GPT2: variants seen among roughly 807,000 people sequenced by gnomAD.
GPT2 encodes alanine aminotransferase 2.
Under a neutral mutation model 56.9 loss-of-function variants are expected in GPT2, and 30 were observed. The observed-to-expected ratio is 0.53, with a 90% confidence interval of 0.39 to 0.72. GPT2 has a LOEUF of 0.72. Among genes scored for constraint, GPT2 ranks in the 30% least tolerant of loss-of-function variants. The probability of loss-of-function intolerance (pLI) is 0.00; values close to 1 mark genes in which losing one functional copy is unlikely to be tolerated. For missense variants in GPT2, 542 were observed against 703.4 expected, an observed-to-expected ratio of 0.77 and a Z score of 2.60; for synonymous variants, 271 against 283.1, an observed-to-expected ratio of 0.96 and a Z score of 0.43.
At chr16:46,893,223 C>T (rs1453756395) in intron 2 of GPT2, among the ~76,000 whole-genome samples, 5 of 152,186 alleles carry the variant, frequency 3.3e-5, no homozygotes, top group Non-Finnish European at 5.9e-5. Context: ...CTCCGCCTCC[C>T]GGGTTCACAC....
intron 2 of GPT2, among the ~76,000 whole-genome samples, chr16:46,887,005 A>G (rs1960496410): frequency 6.6e-6 from 1 of 152,120 alleles, no homozygotes; most frequent in South Asian, 2.1e-4. Flanking sequence ...AGATAGCCTC[A>G]TTGAAACCCT....
At chr16:46,898,407 G>A (rs143150545) in intron 3 of GPT2, among the ~76,000 whole-genome samples, 28 of 152,308 alleles carry the variant, frequency 1.8e-4, no homozygotes, top group African/African-American at 4.3e-4. Context: ...TGCCTGGGCC[G>A]GGATTGTGGG....
chr16:46,910,101 C>T (rs1460977980), intron 6 of GPT2, among the ~76,000 whole-genome samples, 174 bp downstream of exon 6: 1 of 152,136 alleles, frequency 6.6e-6, no homozygotes, highest in Non-Finnish European at 1.5e-5. Flanking sequence ...GGTGAGTAGG[C>T]CAGGTGCGGT....
chr16:46,918,225 G>T (rs1961211183), intron 7 of GPT2, among the ~76,000 whole-genome samples: 1 of 152,190 alleles, frequency 6.6e-6, no homozygotes, highest in African/African-American at 2.4e-5. Context: ...TCAAATAGGA[G>T]GTCAGAGGAA....
At chr16:46,899,315 G>GC (rs1442408535) in intron 3 of GPT2, among the ~76,000 whole-genome samples, 4 of 152,082 alleles carry the variant, frequency 2.6e-5, no homozygotes, top group African/African-American at 9.7e-5. Flanking sequence ...TGGGATTGAG[G>GC]CCCATTTTGG....
Position 46,884,909 on chromosome 16 carries a change from G to C in GPT2, c.194G>C (p.Arg65Pro). The C allele has an allele frequency of 6.5e-7, 1 of 1,540,890 alleles. No individual in the cohort carries two copies. The highest frequency in any genetic ancestry group is 8.7e-7 in the Non-Finnish European group (1 of 1,143,052). The change falls in exon 2 of 12, where the codon CGG (arginine) becomes CCG (proline). Residue 65 changes from arginine (R) to proline (P), a missense_variant. Transcript: ENST00000340124. Reference sequence around the variant, plus strand: ...GTGAAGGCGGTGGAGTACGCCGTGCGGGGACCCATCGTGCTCAAGGCCGGC... The same window carrying C: ...GTGAAGGCGGTGGAGTACGCCGTGCCGGGACCCATCGTGCTCAAGGCCGGC... Reference protein sequence around the residue: ...PQVKAVEYAVRGPIVLKAGEI... With the variant: ...PQVKAVEYAVPGPIVLKAGEI...
At chr16:46,924,279 G>C (rs773669005) in intron 9 of GPT2, 110 bp from the exon 10 acceptor site, 1 of 1,261,912 alleles carries the variant, frequency 7.9e-7, no homozygotes, top group Admixed American at 1.8e-5. Context: ...TTCAAAGCTG[G>C]AGCAAAGTCA....
At chr16:46,887,957 C>T (rs936658187) in intron 2 of GPT2, among the ~76,000 whole-genome samples, 2 of 152,182 alleles carry the variant, frequency 1.3e-5, no homozygotes, top group African/African-American at 4.8e-5. Flanking sequence ...AAGGGGAGAA[C>T]CTATCTTAGC....
intron 3 of GPT2, among the ~76,000 whole-genome samples, chr16:46,900,085 A>G (rs6598777): frequency 0.18 from 27,866 of 152,150 alleles, 3,510 homozygotes; most frequent in African/African-American, 0.35. Flanking sequence ...TTGGCTCCTC[A>G]GTGCCAGCCT....
chr16:46,893,799 C>T (rs564614076), intron 2 of GPT2, among the ~76,000 whole-genome samples: 36 of 152,164 alleles, frequency 2.4e-4, no homozygotes, highest in African/African-American at 8.2e-4. Flanking sequence ...CAGGTGGATT[C>T]GAAGGTGGCT....
chr16:46,924,671 G>C, intron 10 of GPT2, 127 bp downstream of exon 10: 2 of 936,888 alleles, frequency 2.1e-6, no homozygotes, highest in Non-Finnish European at 3.3e-6. Flanking sequence ...TGCACCTCTC[G>C]GCCAGAGGGT....
chr16:46,896,452 CT>C (rs375141675), intron 2 of GPT2, among the ~76,000 whole-genome samples: 1,547 of 144,318 alleles, frequency 0.011, 16 homozygotes, highest in African/African-American at 0.031. Flanking sequence ...ATCCCTGATG[CT>C]TTTTTTTTTT....
chr16:46,897,470 G>T (rs1185733740), intron 2 of GPT2, among the ~76,000 whole-genome samples, 178 bp from the exon 3 acceptor site: 2 of 152,170 alleles, frequency 1.3e-5, no homozygotes, highest in African/African-American at 4.8e-5. Context: ...TCTTCCTCAT[G>T]GGGTGGCTGT....
chr16:46,906,385 G>T (rs1041345323), intron 4 of GPT2, among the ~76,000 whole-genome samples: 13 of 152,162 alleles, frequency 8.5e-5, no homozygotes, highest in African/African-American at 3.1e-4. Context: ...GAGCCTAAGT[G>T]TTGGCCCACT....
intron 9 of GPT2, among the ~76,000 whole-genome samples, chr16:46,923,414 C>T (rs535437087): frequency 2.8e-4 from 42 of 152,294 alleles, no homozygotes; most frequent in African/African-American, 4.6e-4. Flanking sequence ...GCTGAGATTG[C>T]GCCATGGCAC....
At chr16:46,917,004 G>T (rs1174981269) in intron 7 of GPT2, among the ~76,000 whole-genome samples, 8 of 152,070 alleles carry the variant, frequency 5.3e-5, no homozygotes, top group Non-Finnish European at 8.8e-5. Context: ...TGGATCCAGG[G>T]GCTTGGACCT....
At chr16:46,900,205 C>A (rs1408534624) in intron 3 of GPT2, among the ~76,000 whole-genome samples, 1 of 151,484 alleles carries the variant, frequency 6.6e-6, no homozygotes, top group Non-Finnish European at 1.5e-5. Flanking sequence ...GAAGAGAAAG[C>A]TGGTCCAGTT....
chr16:46,900,873 C>T (rs763327975), intron 4 of GPT2, 83 bp downstream of exon 4: 1 of 1,084,192 alleles, frequency 9.2e-7, no homozygotes, highest in Non-Finnish European at 1.4e-6. Context: ...GAGGGTCCTG[C>T]ATGCGAATGG....
Position 46,929,280 on chromosome 16 carries a change from C to T in GPT2, c.*283C>T. The T allele has an allele frequency of 2.5e-6, 1 of 402,350 alleles. No homozygotes were observed. Among genetic ancestry groups the T allele is most frequent in the South Asian group, 3.3e-5 (1 of 30,754 alleles). The allele number at this position is 402,350 out of a possible 1,614,324, so 24.9% of individuals were successfully genotyped here. A position where few individuals can be genotyped will look rare whatever the true frequency, so the allele number is the denominator to read the frequency against. On this transcript the variant is annotated 3_prime_UTR_variant, in exon 12 of 12. Transcript: ENST00000340124. ...TTATTGTTTTTGCTTCTGGAAAGTT[C>T]ATTTGGGGTTTACAACAACTAGGAT... is the stretch of plus-strand genomic sequence containing the variant.
Sources: allele counts gnomAD v4.1 joint callset (sites outside exome capture counted in the v4.1 genomes callset), GRCh38; gene constraint gnomAD v4.1.1; transcripts MANE v1.5; gene names NCBI Gene and HGNC (gene_info 2026-07-23, HGNC 2026-07-21).